The following BARD1 variants were observed in gnomAD, a reference collection of about 807,000 sequenced individuals.
BARD1 encodes the protein BRCA1 associated RING domain 1, also known as BRCA1-associated RING domain protein 1.
BARD1 carries 73 observed loss-of-function variants against 77.0 expected under a neutral mutation model. The observed-to-expected ratio is 0.95, with a 90% CI of 0.79 to 1.15. The LOEUF (loss-of-function observed/expected upper bound fraction) is 1.15. BARD1 is among the 50% of genes most tolerant of loss of function. The probability of loss-of-function intolerance (pLI) is 0.00; values close to 1 mark genes in which losing one functional copy is unlikely to be tolerated. For missense variants in BARD1, 993 were observed against 938.8 expected (o/e 1.06, Z -0.75); for synonymous variants, 384 against 338.0 (o/e 1.14, Z -1.49).
At chr2:214,747,620 A>C (rs1205024978) in intron 7 of BARD1, among the ~76,000 whole-genome samples, 1 of 147,514 alleles carries the variant, frequency 6.8e-6, no homozygotes, top group South Asian at 2.2e-4. Flanking sequence ...AAAACCAAAC[A>C]CCGCATGTTC....
intron 7 of BARD1, among the ~76,000 whole-genome samples, chr2:214,750,577 C>A (rs1286854857): frequency 2.0e-5 from 3 of 152,150 alleles, no homozygotes; most frequent in Admixed American, 1.3e-4. Context: ...CTGTTACACT[C>A]AAAATCTATT....
chr2:214,762,501 T>C (rs1298726292), intron 6 of BARD1, among the ~76,000 whole-genome samples: 1 of 152,182 alleles, frequency 6.6e-6, no homozygotes, highest in African/African-American at 2.4e-5. Flanking sequence ...AATGGAGACA[T>C]GCAGCTTGGT....
intron 3 of BARD1, 68 bp downstream of exon 3, chr2:214,792,228 CT>C (rs748968434): frequency 9.4e-5 from 131 of 1,400,990 alleles, no homozygotes; most frequent in Admixed American, 2.3e-4. Context: ...GTTTTATATA[CT>C]TTATGAATAT....
At chr2:214,773,944 ATGATATAATTTTC>A (rs1694628026) in intron 4 of BARD1, among the ~76,000 whole-genome samples, 1 of 152,182 alleles carries the variant, frequency 6.6e-6, no homozygotes, top group Admixed American at 6.5e-5. Flanking sequence ...ATCAACTAAG[ATGATATAATTTTC>A]TAAATCCTTT....
At chr2:214,806,126 T>G (rs753949075) in intron 1 of BARD1, among the ~76,000 whole-genome samples, 6 of 152,158 alleles carry the variant, frequency 3.9e-5, no homozygotes, top group Non-Finnish European at 8.8e-5. Context: ...TCTTGAACAC[T>G]TTCATCGGCT....
intron 1 of BARD1, 29 bp from the exon 2 acceptor site, chr2:214,797,146 T>C: frequency 6.3e-7 from 1 of 1,576,994 alleles, no homozygotes; most frequent in Non-Finnish European, 8.7e-7. Flanking sequence ...ACAATCAAGA[T>C]TTGAGTCATT....
In BARD1 at chr2:214,780,683, A is replaced by T; in HGVS notation, c.1191T>A (p.Ser397=). Residue 397 remains serine (S), a synonymous_variant, in exon 4 of 11, where the codon TCT becomes TCA. Coordinates refer to ENST00000260947, the MANE Select transcript of BARD1 (RefSeq NM_000465.4). Reference sequence around the variant, plus strand: ...GCCTGTAACTTGAACTACTTAATGTAGAAGGTGGTGTACCTGGTGAAAGAC... The same window carrying T: ...GCCTGTAACTTGAACTACTTAATGTTGAAGGTGGTGTACCTGGTGAAAGAC... ...FISLSPGTPP[S]TLSSSSYRRV... 6.2e-7 allele frequency: 1 copy of T among 1,614,164 alleles called. No homozygotes were observed. The highest frequency in any genetic ancestry group is 8.5e-7 in the Non-Finnish European group (1 of 1,180,004).
chr2:214,765,607 T>C (rs1282881028), intron 6 of BARD1, among the ~76,000 whole-genome samples: 2 of 152,200 alleles, frequency 1.3e-5, no homozygotes, highest in Non-Finnish European at 2.9e-5. Flanking sequence ...AACCCTAGAA[T>C]GAAAACTAGT....
intron 7 of BARD1, among the ~76,000 whole-genome samples, chr2:214,747,419 C>T (rs181654016): frequency 0.021 from 2,973 of 143,234 alleles, 89 homozygotes; most frequent in East Asian, 0.089. Flanking sequence ...ATGTTTACTG[C>T]GGCACTATTC....
In BARD1 at chr2:214,792,331, C is replaced by A; in HGVS notation, c.330G>T (p.Lys110Asn). 1 of 1,613,212 alleles carries A rather than the reference C, an allele frequency of 6.2e-7. No individual in the cohort carries two copies. The change falls in exon 3 of 11, where the codon AAG becomes AAT. Residue 110 changes from lysine (K) to asparagine (N), a missense_variant. Coordinates refer to ENST00000260947, the MANE Select transcript of BARD1 (RefSeq NM_000465.4). Reference protein sequence around the residue: ...QLDSMIQLCSKLRNLLHDNEL... With the variant: ...QLDSMIQLCSNLRNLLHDNEL... ...CATTGTCATGTAGCAAATTTCGAAG[C>A]TTACTACAAAGTTGAATCATGCTGT... is the stretch of plus-strand genomic sequence containing the variant.
At chr2:214,734,661 C>T (rs554048509) in intron 9 of BARD1, among the ~76,000 whole-genome samples, 1 of 152,216 alleles carries the variant, frequency 6.6e-6, no homozygotes, top group African/African-American at 2.4e-5. Context: ...AATCATAAGG[C>T]CTAACCAATC....
intron 1 of BARD1, among the ~76,000 whole-genome samples, chr2:214,805,119 C>A (rs1244557951): frequency 1.3e-5 from 2 of 152,144 alleles, no homozygotes; most frequent in Non-Finnish European, 2.9e-5. Context: ...CGAGATCACA[C>A]CACCGCACTC....
chr2:214,775,858 T>C (rs976605527), intron 4 of BARD1, among the ~76,000 whole-genome samples: 1 of 152,198 alleles, frequency 6.6e-6, no homozygotes, highest in Non-Finnish European at 1.5e-5. Flanking sequence ...CTTGAAAATA[T>C]CACATATGCC....
At chr2:214,783,504 T>C (rs1305742594) in intron 3 of BARD1, among the ~76,000 whole-genome samples, 3 of 151,822 alleles carry the variant, frequency 2.0e-5, no homozygotes, top group Admixed American at 6.6e-5. Flanking sequence ...TAAGTGGAAG[T>C]TAAACAATGG....
chr2:214,729,892 T>C (rs893156239), intron 10 of BARD1, among the ~76,000 whole-genome samples: 4 of 152,140 alleles, frequency 2.6e-5, no homozygotes, highest in Non-Finnish European at 4.4e-5. Flanking sequence ...TCCAGAAATG[T>C]ATTCACGGGG....
At position 214,728,610 on chromosome 2, in the gene BARD1, C is replaced by T. The variant is rs763810940; in HGVS notation, c.*66G>A. The T allele has an allele frequency of 2.8e-6, 4 of 1,431,200 alleles. No homozygotes were observed. Among genetic ancestry groups the T allele is most frequent in the Non-Finnish European group, 3.9e-6 (4 of 1,038,550 alleles). The allele number at this position is 1,431,200 out of a possible 1,614,324, so 88.7% of individuals were successfully genotyped here. On this transcript the variant is annotated 3_prime_UTR_variant, in exon 11 of 11. Transcript: ENST00000260947. ...TTTGTAAAAATGTGAACATTAAAAA[C>T]AGTACAATGACTGGGCTCTCACAAA...
chr2:214,751,107 GTGTGTGTGTGTATATA>G (rs1233541238), intron 7 of BARD1, among the ~76,000 whole-genome samples: 22 of 10,248 alleles, frequency 2.1e-3, no homozygotes, highest in African/African-American at 4.6e-3. Context: ...GTGTGTGTGT[GTGTGTGTGTGTATATA>G]TATATATATA....
intron 4 of BARD1, among the ~76,000 whole-genome samples, chr2:214,772,275 T>C (rs761994200): frequency 7.2e-5 from 11 of 152,168 alleles, no homozygotes; most frequent in Non-Finnish European, 1.3e-4. Flanking sequence ...TCATAACGGT[T>C]ACAAATGAAT....
chr2:214,781,860 A>G (rs868213876), intron 3 of BARD1, among the ~76,000 whole-genome samples: 48 of 152,344 alleles, frequency 3.2e-4, no homozygotes, highest in African/African-American at 1.1e-3. Context: ...TTCTACACAA[A>G]TGGAGAGATA....
Sources: gnomAD v4.1 joint callset for allele counts (sites outside exome capture counted in the v4.1 genomes callset) on GRCh38, gnomAD v4.1.1 for gene constraint, MANE v1.5 for transcripts, NCBI Gene and HGNC (gene_info 2026-07-23, HGNC 2026-07-21) for gene names.